The following PSD3 variants were observed in gnomAD, a reference collection of about 807,000 sequenced individuals.
PSD3 encodes PH and SEC7 domain-containing protein 3.
In PSD3, 49 loss-of-function variants were observed where a neutral mutation model predicts 105.5. That is an observed-to-expected ratio of 0.46 (90% CI 0.37 to 0.59). The LOEUF is 0.59. Among genes scored for constraint, PSD3 ranks in the 20% least tolerant of loss-of-function variants. The probability of loss-of-function intolerance (pLI) is 0.00; values close to 1 mark genes in which losing one functional copy is unlikely to be tolerated. For missense variants in PSD3, 1,561 were observed against 1,263.8 expected (o/e 1.24, Z -3.57); for synonymous variants, 557 against 457.8 (o/e 1.22, Z -2.77).
chr8:18,666,711 T>C (rs79749679), intron 9 of PSD3, among the ~76,000 whole-genome samples: 5,381 of 145,968 alleles, frequency 0.037, 314 homozygotes, highest in African/African-American at 0.13. Context: ...GTAGCTTCAC[T>C]ATTGCTTTTT....
intron 11 of PSD3, 85 bp downstream of exon 11, chr8:18,632,528 C>A: frequency 7.0e-7 from 1 of 1,418,568 alleles, no homozygotes; most frequent in Non-Finnish European, 9.7e-7. Flanking sequence ...ATTTTTTCAT[C>A]CTTGACTTTC....
In PSD3 at chr8:18,527,755, G is replaced by A. The variant is rs560908989; in HGVS notation, c.*7988C>T. ...CAAACGCCATCGTTTTCTAGAAGAC[G>A]GCATTTCCAGAATCTGGTAGGTGGT... On this transcript the variant is annotated 3_prime_UTR_variant, in exon 16 of 16. Coordinates refer to ENST00000327040, the MANE Select transcript of PSD3 (RefSeq NM_015310.4). The A allele has an allele frequency of 3.9e-5, 6 of 152,622 alleles. No homozygotes were observed. The highest frequency in any genetic ancestry group is 6.5e-5 in the Admixed American group (1 of 15,282). 9.5% of individuals were successfully genotyped at this position (152,622 alleles called of 1,614,324 possible).
At chr8:18,913,090 C>CACACACACACACACAA (rs1820352801) in intron 2 of PSD3, among the ~76,000 whole-genome samples, 1 of 115,776 alleles carries the variant, frequency 8.6e-6, no homozygotes, top group African/African-American at 3.0e-5. Context: ...CACACAAACA[C>CACACACACACACACAA]ACACACACAC....
Position 19,021,865 on chromosome 8 carries a change from A to G in PSD3, c.324+62341T>C, listed in dbSNP as rs538961635. On this transcript the variant is annotated intron_variant, in intron 1 of 1. Coordinates refer to the PSD3 transcript ENST00000521475. ...TCCTCTGCTTCAACTGGAAGAGTGCAGTTGTGAAAGGGAGGGTGGATGATA... is the reference window on the plus strand; with the variant it reads ...TCCTCTGCTTCAACTGGAAGAGTGCGGTTGTGAAAGGGAGGGTGGATGATA... Among the ~76,000 whole-genome samples the G allele has an allele frequency of 1.7e-4, 26 of 152,332 alleles. No individual in the cohort carries two copies. In the South Asian group the frequency reaches 5.2e-3, roughly 30 times the overall value.
At chr8:18,982,856 G>C (rs4348543) in intron 1 of PSD3, among the ~76,000 whole-genome samples, 4 of 151,986 alleles carry the variant, frequency 2.6e-5, no homozygotes, top group Non-Finnish European at 5.9e-5. Flanking sequence ...AGGATTTTTA[G>C]AATGGTAAAT....
At chr8:19,077,076 T>C (rs1829483312) in intron 1 of PSD3, among the ~76,000 whole-genome samples, 1 of 152,214 alleles carries the variant, frequency 6.6e-6, no homozygotes, top group Admixed American at 6.5e-5. Flanking sequence ...ATATTGGAAA[T>C]GCTTTATGGG....
intron 1 of PSD3, among the ~76,000 whole-genome samples, chr8:19,076,163 T>C (rs1413572569): frequency 5.3e-5 from 8 of 152,154 alleles, no homozygotes; most frequent in Non-Finnish European, 1.0e-4. Context: ...CACTTACAAA[T>C]AAAGATTGAG....
intron 2 of PSD3, among the ~76,000 whole-genome samples, chr8:18,889,776 T>G (rs1818668928): frequency 6.6e-6 from 1 of 152,098 alleles, no homozygotes; most frequent in Admixed American, 6.6e-5. Flanking sequence ...ATACCTGAAT[T>G]TTTAAAAACC....
chr8:18,971,848 T>C (rs1336616831), intron 1 of PSD3, among the ~76,000 whole-genome samples: 1 of 151,858 alleles, frequency 6.6e-6, no homozygotes, highest in East Asian at 1.9e-4. Flanking sequence ...CTACTAAAAA[T>C]ATAAAAATTA....
intron 1 of PSD3, among the ~76,000 whole-genome samples, chr8:19,007,169 G>C (rs1476391448): frequency 1.3e-5 from 2 of 151,896 alleles, no homozygotes; most frequent in Non-Finnish European, 1.5e-5. Flanking sequence ...CAGGAGAATC[G>C]CTTGAGCCCG....
intron 9 of PSD3, among the ~76,000 whole-genome samples, chr8:18,718,818 C>CA (rs902947094): frequency 7.2e-5 from 11 of 151,860 alleles, no homozygotes; most frequent in African/African-American, 1.7e-4. Context: ...TCGTTTGGTG[C>CA]AAAAAAACCC....
intron 1 of PSD3, among the ~76,000 whole-genome samples, chr8:19,063,305 A>C (rs1344834320): frequency 6.6e-6 from 1 of 152,228 alleles, no homozygotes; most frequent in Non-Finnish European, 1.5e-5. Context: ...AAAATATTTC[A>C]ATTTTAACTG....
chr8:18,807,487 T>C (rs972250991), intron 4 of PSD3, among the ~76,000 whole-genome samples: 3 of 152,332 alleles, frequency 2.0e-5, no homozygotes, highest in Middle Eastern at 3.4e-3. Flanking sequence ...CATTCCCAGA[T>C]GATACCATGG....
intron 9 of PSD3, among the ~76,000 whole-genome samples, chr8:18,744,494 G>C (rs1230969649): frequency 6.6e-6 from 1 of 152,164 alleles, no homozygotes; most frequent in African/African-American, 2.4e-5. Context: ...CACTGATCGA[G>C]ATTTGTATTA....
chr8:18,676,167 C>T (rs1197078342), intron 9 of PSD3, among the ~76,000 whole-genome samples: 1 of 152,132 alleles, frequency 6.6e-6, no homozygotes, highest in African/African-American at 2.4e-5. Context: ...AAGGATATTA[C>T]ACTAAGCTTG....
chr8:18,884,968 G>C (rs771665983), intron 2 of PSD3, among the ~76,000 whole-genome samples: 39 of 152,194 alleles, frequency 2.6e-4, no homozygotes, highest in Non-Finnish European at 4.6e-4. Context: ...ACTGTGCAGA[G>C]CACTGTTACC....
At chr8:18,586,957 G>A (rs1002625516) in intron 12 of PSD3, among the ~76,000 whole-genome samples, 2 of 152,136 alleles carry the variant, frequency 1.3e-5, no homozygotes, top group African/African-American at 2.4e-5. Flanking sequence ...TGGGATCTTT[G>A]CATCCCCATC....
rs13439642 is a variant in PSD3 at position 18,912,911 on chromosome 8, C to G, written c.130+23123G>C. ...AACAGTTACCATGCTGTCACAATGA[C>G]AAAAGCCCCAAGTGGGCTGCTGAGT... On this transcript the variant is annotated intron_variant, in intron 2 of 15. Coordinates refer to ENST00000327040, the MANE Select transcript of PSD3 (RefSeq NM_015310.4). Among the ~76,000 whole-genome samples, 633 of 152,102 alleles carry G rather than the reference C, an allele frequency of 4.2e-3. 3 individuals are homozygous for G. The highest frequency in any genetic ancestry group is 0.015 in the African/African-American group (608 of 41,462).
chr8:18,774,133 T>C (rs1159262436), intron 8 of PSD3, among the ~76,000 whole-genome samples: 2 of 152,212 alleles, frequency 1.3e-5, no homozygotes, highest in Non-Finnish European at 2.9e-5. Flanking sequence ...CTGAAGATCC[T>C]CTACACACAA....
Sources: allele counts gnomAD v4.1 joint callset (sites outside exome capture counted in the v4.1 genomes callset), GRCh38; gene constraint gnomAD v4.1.1; transcripts MANE v1.5; gene names NCBI Gene and HGNC (gene_info 2026-07-23, HGNC 2026-07-21).